Variants in CLEC16A observed in about 807,000 individuals in gnomAD.
CLEC16A encodes protein CLEC16A.
In CLEC16A, 51 loss-of-function variants were observed where a neutral mutation model predicts 109.5. That is an observed-to-expected ratio of 0.47 (90% CI 0.37 to 0.59). The LOEUF is 0.59. Ranked by LOEUF, CLEC16A falls within the 20% of genes least tolerant of loss-of-function variation. The pLI is 0.00. For synonymous variants in CLEC16A, 673 were observed against 564.2 expected, an observed-to-expected ratio of 1.19 and a Z score of -2.73; for missense variants, 1,339 against 1,394.0, an observed-to-expected ratio of 0.96 and a Z score of 0.63.
intron 19 of CLEC16A, among the ~76,000 whole-genome samples, chr16:11,098,536 C>G (rs1427599209): frequency 6.6e-6 from 1 of 152,168 alleles, no homozygotes; most frequent in Non-Finnish European, 1.5e-5. Context: ...GTGTGGCCAT[C>G]CATAATGGTA....
At position 10,981,670 on chromosome 16, in the gene CLEC16A, T is replaced by TAA. The variant is rs1567537445; in HGVS notation, c.958-1206_958-1205dup. ...TCACTTTTTAAAAAATAATTTTTTT[T>TAA]AAACAACGTTTTTTAAAGTTAAAAA... is the stretch of plus-strand genomic sequence containing the variant. On this transcript the variant is annotated intron_variant, in intron 9 of 23. Coordinates refer to ENST00000409790, the MANE Select transcript of CLEC16A (RefSeq NM_015226.3). 9.2e-5 allele frequency among the ~76,000 whole-genome samples: 14 copies of TAA among 152,368 alleles called. No homozygotes were observed. The East Asian group carries it at 2.7e-3, about 29-fold the overall frequency.
intron 1 of CLEC16A, among the ~76,000 whole-genome samples, chr16:10,948,675 C>T (rs777128772): frequency 5.9e-5 from 9 of 152,128 alleles, no homozygotes; most frequent in Non-Finnish European, 1.2e-4. Flanking sequence ...GTGACAGAAA[C>T]CCAGCTAGAA....
intron 12 of CLEC16A, among the ~76,000 whole-genome samples, chr16:11,022,324 C>A (rs1004836344): frequency 6.7e-6 from 1 of 149,072 alleles, no homozygotes; most frequent in Non-Finnish European, 1.5e-5. Context: ...CCAGAGTCAC[C>A]ATGTCTGGCT....
chr16:11,017,958 G>A (rs946250041), intron 11 of CLEC16A, among the ~76,000 whole-genome samples: 6 of 149,628 alleles, frequency 4.0e-5, no homozygotes, highest in Admixed American at 6.7e-5. Context: ...TGCCCAAAGT[G>A]TAGAGTTTAG....
intron 19 of CLEC16A, among the ~76,000 whole-genome samples, chr16:11,112,638 C>T (rs565075045): frequency 6.6e-6 from 1 of 152,146 alleles, no homozygotes; most frequent in Admixed American, 6.5e-5. Context: ...GCAGTCCAGC[C>T]TGGGTGACAG....
intron 11 of CLEC16A, among the ~76,000 whole-genome samples, chr16:11,014,021 T>C (rs2045595203): frequency 6.6e-6 from 1 of 152,220 alleles, no homozygotes. Context: ...CTCATTCTCA[T>C]TGATTTAATT....
At chr16:11,026,644 G>GTT (rs2046417216) in intron 13 of CLEC16A, among the ~76,000 whole-genome samples, 1 of 127,568 alleles carries the variant, frequency 7.8e-6, no homozygotes, top group African/African-American at 3.4e-5. Context: ...GTTTGTTTGG[G>GTT]GTTTTTTTTT....
chr16:10,993,002 G>A (rs1217918717), intron 10 of CLEC16A, among the ~76,000 whole-genome samples: 1 of 152,132 alleles, frequency 6.6e-6, no homozygotes, highest in East Asian at 1.9e-4. Context: ...AGAGGCCTCT[G>A]TGGGAAGGAG....
chr16:10,952,521 T>C (rs2041787630), intron 1 of CLEC16A, among the ~76,000 whole-genome samples: 1 of 152,224 alleles, frequency 6.6e-6, no homozygotes, highest in Non-Finnish European at 1.5e-5. Context: ...CAAAAAGTTA[T>C]TAAAATGTTT....
chr16:10,987,209 G>A (rs2043721515), intron 10 of CLEC16A, among the ~76,000 whole-genome samples: 1 of 151,774 alleles, frequency 6.6e-6, no homozygotes, highest in African/African-American at 2.4e-5. Context: ...TTATAGATTT[G>A]CGTGCAGTTG....
intron 18 of CLEC16A, among the ~76,000 whole-genome samples, chr16:11,052,423 G>A (rs1328000100): frequency 6.6e-6 from 1 of 152,166 alleles, no homozygotes; most frequent in African/African-American, 2.4e-5. Flanking sequence ...TGCAAAACAG[G>A]AATGACCTGT....
intron 18 of CLEC16A, among the ~76,000 whole-genome samples, chr16:11,055,106 G>C (rs1315791282): frequency 1.3e-5 from 2 of 152,140 alleles, no homozygotes; most frequent in Non-Finnish European, 2.9e-5. Flanking sequence ...CTTGCTATGT[G>C]CCAAATACTG....
intron 11 of CLEC16A, among the ~76,000 whole-genome samples, chr16:11,009,370 T>C (rs566288471): frequency 2.1e-4 from 32 of 152,380 alleles, no homozygotes; most frequent in South Asian, 4.1e-4. Context: ...GCTTCCACTT[T>C]TGGCTATTGG....
At chr16:11,049,446 C>T (rs1298610796) in intron 17 of CLEC16A, among the ~76,000 whole-genome samples, 1 of 151,928 alleles carries the variant, frequency 6.6e-6, no homozygotes, top group Non-Finnish European at 1.5e-5. Context: ...AATACTTCCT[C>T]CCCCTCCCAC....
intron 12 of CLEC16A, among the ~76,000 whole-genome samples, chr16:11,023,326 T>A (rs549320696): frequency 6.6e-6 from 1 of 152,224 alleles, no homozygotes; most frequent in Non-Finnish European, 1.5e-5. Context: ...GGCATTTGGT[T>A]ATTCATATTA....
chr16:10,958,381 C>A (rs2042091558), intron 2 of CLEC16A, among the ~76,000 whole-genome samples: 1 of 152,056 alleles, frequency 6.6e-6, no homozygotes, highest in Non-Finnish European at 1.5e-5. Context: ...CTTTTTTGCT[C>A]AAGGTCACAT....
chr16:10,950,951 A>G (rs191228369), intron 1 of CLEC16A, among the ~76,000 whole-genome samples: 3 of 152,374 alleles, frequency 2.0e-5, no homozygotes, highest in Admixed American at 6.5e-5. Flanking sequence ...TGCAAGGCAT[A>G]GCACGTGCAG....
At chr16:10,995,797 G>A (rs1249653029) in intron 10 of CLEC16A, among the ~76,000 whole-genome samples, 1 of 152,090 alleles carries the variant, frequency 6.6e-6, no homozygotes, top group Non-Finnish European at 1.5e-5. Context: ...CATGTTTTTT[G>A]TTAGTCACCA....
intron 9 of CLEC16A, among the ~76,000 whole-genome samples, 167 bp downstream of exon 9, chr16:10,979,549 T>C (rs2043206870): frequency 6.6e-6 from 1 of 152,108 alleles, no homozygotes; most frequent in South Asian, 2.1e-4. Context: ...AGGTACTAAA[T>C]AGAGGTAGTG....
Sources: gnomAD v4.1 joint callset for allele counts (sites outside exome capture counted in the v4.1 genomes callset) on GRCh38, gnomAD v4.1.1 for gene constraint, MANE v1.5 for transcripts, NCBI Gene and HGNC (gene_info 2026-07-23, HGNC 2026-07-21) for gene names.